TMEM50B: variants seen among roughly 807,000 people sequenced by gnomAD.
TMEM50B encodes transmembrane protein 50B, also known as HCV p7-trans-regulated protein 3.
Under a neutral mutation model 23.4 loss-of-function variants are expected in TMEM50B, and 14 were observed. The observed-to-expected ratio is 0.60, with a 90% CI of 0.39 to 0.93. The LOEUF is 0.93. TMEM50B is among the 40% of genes least tolerant of loss of function. The probability of loss-of-function intolerance (pLI) is 0.00; values close to 1 mark genes in which losing one functional copy is unlikely to be tolerated. For missense variants in TMEM50B, 159 were observed against 193.0 expected, an observed-to-expected ratio of 0.82 and a Z score of 1.04; for synonymous variants, 64 against 62.3, an observed-to-expected ratio of 1.03 and a Z score of -0.13.
chr21:33,437,006 A>G (rs2083961731), intron 8 of TMEM50B: 1 of 1,607,260 alleles, frequency 6.2e-7, no homozygotes, highest in Admixed American at 1.7e-5. Context: ...GAAGAGATCA[A>G]GCCATCGGAG....
chr21:33,474,705 G>A (rs1425194689), intron 1 of TMEM50B, among the ~76,000 whole-genome samples: 1 of 118,158 alleles, frequency 8.5e-6, no homozygotes, highest in Non-Finnish European at 1.8e-5. Flanking sequence ...GACCCGGGAG[G>A]CAGAGGTTGC....
chr21:33,463,590 A>G (rs1164882381), intron 4 of TMEM50B, among the ~76,000 whole-genome samples: 3 of 152,112 alleles, frequency 2.0e-5, no homozygotes, highest in Non-Finnish European at 4.4e-5. Context: ...CATTTGATCA[A>G]GCTCATCAAA....
chr21:33,457,123 G>A (rs965321068), intron 5 of TMEM50B, among the ~76,000 whole-genome samples: 14 of 151,744 alleles, frequency 9.2e-5, no homozygotes, highest in Admixed American at 2.6e-4. Context: ...GTGTGGTGGT[G>A]GATGGCTGTA....
chr21:33,464,084 G>A (rs1256622060), intron 4 of TMEM50B, among the ~76,000 whole-genome samples: 1 of 152,130 alleles, frequency 6.6e-6, no homozygotes, highest in African/African-American at 2.4e-5. Context: ...AAAAGCATGG[G>A]CTCTGGAGCC....
At chr21:33,440,368 ATT>A (rs2083997286) in intron 7 of TMEM50B, among the ~76,000 whole-genome samples, 1 of 151,858 alleles carries the variant, frequency 6.6e-6, no homozygotes, top group Non-Finnish European at 1.5e-5. Flanking sequence ...TGGGCGGATC[ATT>A]TGAGGCCAGG....
chr21:33,477,134 AC>A (rs746497136), intron 1 of TMEM50B, among the ~76,000 whole-genome samples: 1 of 151,980 alleles, frequency 6.6e-6, no homozygotes, highest in African/African-American at 2.4e-5. Context: ...ACCCGTCTCT[AC>A]AAAAATTACA....
intron 8 of TMEM50B, among the ~76,000 whole-genome samples, chr21:33,436,112 C>T (rs1226649165): frequency 6.6e-6 from 1 of 151,554 alleles, no homozygotes; most frequent in African/African-American, 2.4e-5. Flanking sequence ...AATCCCAGCA[C>T]TTTGGGAGGC....
intron 8 of TMEM50B, among the ~76,000 whole-genome samples, chr21:33,438,473 G>A (rs1295054451): frequency 6.6e-6 from 1 of 152,024 alleles, no homozygotes; most frequent in Non-Finnish European, 1.5e-5. Context: ...CAGTACTGTC[G>A]GGCTCTGTTG....
chr21:33,474,353 A>G (rs922503575), intron 1 of TMEM50B, among the ~76,000 whole-genome samples: 7 of 151,970 alleles, frequency 4.6e-5, no homozygotes, highest in Non-Finnish European at 7.4e-5. Context: ...CTTTTTTTTA[A>G]TAAGAGTAAA....
chr21:33,437,269 T>A, intron 8 of TMEM50B: 1 of 331,216 alleles, frequency 3.0e-6, no homozygotes, highest in Non-Finnish European at 5.7e-6. Flanking sequence ...ACATCTCTGA[T>A]ACTTTTTTCA....
In TMEM50B at chr21:33,441,306, T is replaced by A. The variant is rs116799577; in HGVS notation, c.*2037-2009A>T. Among the ~76,000 whole-genome samples, 462 of 152,152 alleles carry A rather than the reference T, an allele frequency of 3.0e-3. 1 individual carries two copies. The highest frequency in any genetic ancestry group is 0.01 in the African/African-American group (431 of 41,504). On this transcript the variant is annotated intron_variant and NMD_transcript_variant, in intron 7 of 8. Coordinates refer to the TMEM50B transcript ENST00000420455. ...CACTATGGCCACTATGTCTTTGAAG[T>A]GCCACAACAGAGAGAGGCTCTCTGA...
At chr21:33,447,705 CACACACACACACACATAT>C (rs57635200), downstream of TMEM50B, among the ~76,000 whole-genome samples, 1,429 of 111,102 alleles carry the variant, frequency 0.013, 36 homozygotes, top group African/African-American at 0.048. Context: ...CACACACACA[CACACACACACACACATAT>C]ATATATATAC....
intron 2 of TMEM50B, chr21:33,468,538 T>A: frequency 2.4e-6 from 1 of 419,336 alleles, no homozygotes; most frequent in Non-Finnish European, 4.2e-6. Flanking sequence ...AAAATGCTAT[T>A]GCCTATAATA....
downstream of TMEM50B, among the ~76,000 whole-genome samples, chr21:33,445,327 A>C (rs1157891337): frequency 2.0e-5 from 3 of 152,272 alleles, no homozygotes; most frequent in Admixed American, 2.0e-4. Flanking sequence ...AGAATTGAAG[A>C]GGCATTTACT....
intron 4 of TMEM50B, among the ~76,000 whole-genome samples, chr21:33,463,040 C>A (rs2084231227): frequency 1.3e-5 from 2 of 152,176 alleles, no homozygotes; most frequent in Non-Finnish European, 2.9e-5. Context: ...GCCTGTAATC[C>A]CAGCACTTTG....
intron 4 of TMEM50B, 96 bp from the exon 5 acceptor site, chr21:33,460,601 T>TCATATGCA: frequency 1.8e-6 from 1 of 541,232 alleles, no homozygotes; most frequent in East Asian, 3.0e-5. Flanking sequence ...GCCTAGTATA[T>TCATATGCA]ATTATGCATA....
At chr21:33,446,837 C>T (rs1162459799), downstream of TMEM50B, among the ~76,000 whole-genome samples, 1 of 146,692 alleles carries the variant, frequency 6.8e-6, no homozygotes, top group African/African-American at 2.5e-5. Flanking sequence ...AGCAAGACCC[C>T]TCTCTAAAAA....
At chr21:33,466,672 G>T (rs1457189286) in intron 3 of TMEM50B, among the ~76,000 whole-genome samples, 1 of 151,954 alleles carries the variant, frequency 6.6e-6, no homozygotes, top group African/African-American at 2.4e-5. Context: ...ATAATTCTAA[G>T]ATACCACTGA....
At chr21:33,444,140 A>C (rs550112253) in intron 7 of TMEM50B, among the ~76,000 whole-genome samples, 1 of 151,418 alleles carries the variant, frequency 6.6e-6, no homozygotes, top group East Asian at 2.0e-4. Flanking sequence ...ACCTCCGGTG[A>C]TCCGCCCACC....
Sources: allele counts gnomAD v4.1 joint callset (sites outside exome capture counted in the v4.1 genomes callset), GRCh38; gene constraint gnomAD v4.1.1; transcripts MANE v1.5; gene names NCBI Gene and HGNC (gene_info 2026-07-23, HGNC 2026-07-21).